The following EXOC1L variants were observed in gnomAD, a reference collection of about 807,000 sequenced individuals.
EXOC1L encodes the protein exocyst complex component 1 like.
In EXOC1L, 10 loss-of-function variants were observed where a neutral mutation model predicts 4.9. The ratio of observed to expected loss-of-function variants is 2.02; its 90% CI spans 1.25 to 3.43. The LOEUF (loss-of-function observed/expected upper bound fraction) is 3.43. Among genes scored for constraint, EXOC1L ranks in the 30% most tolerant of loss-of-function variants. The pLI, the probability that EXOC1L is intolerant of heterozygous loss-of-function variation, is 0.00. For missense variants in EXOC1L, 114 were observed against 59.4 expected (o/e 1.92, Z -3.02); for synonymous variants, 41 against 20.8 (o/e 1.97, Z -2.63).
At chr4:55,821,255 T>G (rs1297347075) in intron 1 of EXOC1L, among the ~76,000 whole-genome samples, 2 of 152,162 alleles carry the variant, frequency 1.3e-5, no homozygotes, top group African/African-American at 4.8e-5. Flanking sequence ...TTAGCATATT[T>G]TGCTATATGA....
chr4:55,836,032 T>C (rs1460389481), intron 2 of EXOC1L, among the ~76,000 whole-genome samples: 3 of 151,882 alleles, frequency 2.0e-5, no homozygotes, highest in African/African-American at 4.8e-5. Context: ...CATGGAACAA[T>C]CAAAATGTTG....
intron 2 of EXOC1L, among the ~76,000 whole-genome samples, chr4:55,836,712 T>TA (rs1379528188): frequency 9.9e-5 from 15 of 151,952 alleles, no homozygotes; most frequent in African/African-American, 2.4e-4. Flanking sequence ...AACCTCGTAC[T>TA]AAAAAGGGAG....
chr4:55,827,271 G>C (rs1170564297), intron 1 of EXOC1L, among the ~76,000 whole-genome samples: 1 of 152,122 alleles, frequency 6.6e-6, no homozygotes, highest in African/African-American at 2.4e-5. Context: ...TCATGCCTTT[G>C]TGTGAATGCT....
chr4:55,837,085 G>T lies in EXOC1L; in HGVS notation c.253G>T (p.Asp85Tyr). ...QMIDGKEADTDNPFFDLHFKK... is the reference protein window; with the variant it reads ...QMIDGKEADTYNPFFDLHFKK... ...AATCATGTCTCTCATTCTCTTCCAG[G>T]ACAATCCATTTTTTGATCTGCACTT... The change falls in exon 3 of 3, where the codon GAC (aspartate) becomes TAC (tyrosine). Residue 85 changes from aspartate (D) to tyrosine (Y), a missense_variant and splice_region_variant. Coordinates refer to ENST00000636125, the MANE Select transcript of EXOC1L (RefSeq NM_001351574.3). 1.4e-6 allele frequency: 1 copy of T among 697,198 alleles called. No homozygotes were observed. Among genetic ancestry groups the T allele is most frequent in the Non-Finnish European group, 2.6e-6 (1 of 381,576 alleles). 43.2% of individuals were successfully genotyped at this position (697,198 alleles called of 1,614,324 possible).
intron 1 of EXOC1L, among the ~76,000 whole-genome samples, chr4:55,826,085 CAAA>C (rs34455273): frequency 6.4e-5 from 5 of 78,626 alleles, no homozygotes; most frequent in Non-Finnish European, 7.7e-5. Flanking sequence ...AACTCCATCT[CAAA>C]AAAAAAAAAA....
At chr4:55,824,039 C>T (rs1033677194) in intron 1 of EXOC1L, among the ~76,000 whole-genome samples, 5 of 151,888 alleles carry the variant, frequency 3.3e-5, no homozygotes, top group Non-Finnish European at 5.9e-5. Context: ...CCAAGAGATA[C>T]ATTTTATTAA....
chr4:55,824,153 T>C (rs1391863308), intron 1 of EXOC1L, among the ~76,000 whole-genome samples: 1 of 152,098 alleles, frequency 6.6e-6, no homozygotes, highest in East Asian at 1.9e-4. Context: ...AGACCTTGAA[T>C]ATTAAAGTAG....
At chr4:55,835,190 GAT>G (rs913572471) in intron 2 of EXOC1L, among the ~76,000 whole-genome samples, 1 of 150,510 alleles carries the variant, frequency 6.6e-6, no homozygotes, top group Admixed American at 6.6e-5. Context: ...AGTATTCCAT[GAT>G]ATATATATTA....
chr4:55,829,671 C>T (rs1162421548), intron 1 of EXOC1L, among the ~76,000 whole-genome samples: 2 of 152,170 alleles, frequency 1.3e-5, no homozygotes, highest in South Asian at 2.1e-4. Context: ...TCCCTTCTCC[C>T]GAGGACTGAG....
At chr4:55,823,948 A>G (rs1214561230) in intron 1 of EXOC1L, among the ~76,000 whole-genome samples, 1 of 152,198 alleles carries the variant, frequency 6.6e-6, no homozygotes, top group South Asian at 2.1e-4. Flanking sequence ...AAGAGAACAC[A>G]CTTGAAGAAA....
At chr4:55,822,944 A>G (rs1719783778) in intron 1 of EXOC1L, among the ~76,000 whole-genome samples, 2 of 149,164 alleles carry the variant, frequency 1.3e-5, no homozygotes, top group South Asian at 4.2e-4. Context: ...TGTATATACT[A>G]TAAATACATA....
At position 55,837,227 on chromosome 4, in the gene EXOC1L, A is replaced by T. The variant is rs1489174390; in HGVS notation, c.395A>T (p.Asp132Val). The T allele has an allele frequency of 4.3e-6, 3 of 702,002 alleles. No individual in the cohort carries two copies. In the East Asian group the frequency reaches 8.1e-5, roughly 19 times the overall value. The allele number at this position is 702,002 out of a possible 1,614,324, so 43.5% of individuals were successfully genotyped here. A position where few individuals can be genotyped will look rare whatever the true frequency, so the allele number is the denominator to read the frequency against. ...LKKDLQIVNFDSTYINDDSIW... is the reference protein window; with the variant it reads ...LKKDLQIVNFVSTYINDDSIW... ...AAGGACTTACAGATCGTGAACTTTG[A>T]TTCTACATACATTAACGATGATTCC... Residue 132 changes from aspartate to valine, a missense_variant, in exon 3 of 3, where the codon GAT (aspartate) becomes GTT (valine). Transcript: ENST00000636125.
chr4:55,819,810 G>C lies in EXOC1L; in HGVS notation c.-217G>C. ...CTGTATTTTGGCTGCCGCCGCCGCT[G>C]CTGCCACTGGGCAGATACCGCAGTG... On this transcript the variant is annotated 5_prime_UTR_variant, in exon 1 of 3. Coordinates refer to ENST00000636125, the MANE Select transcript of EXOC1L (RefSeq NM_001351574.3). 3.0e-6 allele frequency: 1 copy of C among 338,068 alleles called. No individual in the cohort carries two copies. Among genetic ancestry groups the C allele is most frequent in the South Asian group, 1.6e-4 (1 of 6,380 alleles). The allele number at this position is 338,068 out of a possible 1,614,324, so 20.9% of individuals were successfully genotyped here. A position where few individuals can be genotyped will look rare whatever the true frequency, so the allele number is the denominator to read the frequency against.
chr4:55,837,046 T>C (rs770257163), intron 2 of EXOC1L, 39 bp from the exon 3 acceptor site: 1 of 644,936 alleles, frequency 1.6e-6, no homozygotes, highest in South Asian at 1.7e-5. Context: ...AACTACTTTC[T>C]TGGCTACCAA....
In EXOC1L at chr4:55,831,215, A is replaced by G; in HGVS notation, c.122-119A>G. ...CAGGACTCACAATTGAGGCGCAGCT[A>G]TAATGTGGGTTCAAGGTCATTTTAT... On this transcript the variant is annotated intron_variant, in intron 1 of 2. Coordinates refer to ENST00000636125, the MANE Select transcript of EXOC1L (RefSeq NM_001351574.3). The G allele has an allele frequency of 1.0e-5, 5 of 486,070 alleles. 1 individual carries two copies. The South Asian group carries it at 1.7e-4, about 17-fold the overall frequency. The allele number at this position is 486,070 out of a possible 1,614,324, so 30.1% of individuals were successfully genotyped here.
intron 1 of EXOC1L, among the ~76,000 whole-genome samples, chr4:55,820,954 G>T (rs987832979): frequency 2.6e-5 from 4 of 152,052 alleles, no homozygotes; most frequent in African/African-American, 7.2e-5. Context: ...CCCTTTTCTT[G>T]GTCCATGCCT....
At position 55,819,991 on chromosome 4, in the gene EXOC1L, T is replaced by G. The variant is rs1372460245; in HGVS notation, c.-36T>G. Reference sequence around the variant, plus strand: ...GCAAAAGGAGAGGAAAGAGTGAGCTTGAGCCAAGACATCAGGCCAAGTGGA... The same window carrying G: ...GCAAAAGGAGAGGAAAGAGTGAGCTGGAGCCAAGACATCAGGCCAAGTGGA... On this transcript the variant is annotated 5_prime_UTR_variant, in exon 1 of 3. Coordinates refer to ENST00000636125, the MANE Select transcript of EXOC1L (RefSeq NM_001351574.3). 3 of 398,680 alleles carry G rather than the reference T, an allele frequency of 7.5e-6. No individual in the cohort carries two copies. The highest frequency in any genetic ancestry group is 4.1e-5 in the African/African-American group (2 of 48,558). The allele number at this position is 398,680 out of a possible 1,614,324, so 24.7% of individuals were successfully genotyped here. A position where few individuals can be genotyped will look rare whatever the true frequency, so the allele number is the denominator to read the frequency against.
chr4:55,823,300 T>C lies in EXOC1L; in HGVS notation c.121+3153T>C, dbSNP rs534796603. 1.1e-3 allele frequency among the ~76,000 whole-genome samples: 169 copies of C among 152,018 alleles called. 1 individual carries two copies. The highest frequency in any genetic ancestry group is 2.2e-3 in the Non-Finnish European group (148 of 67,950). On this transcript the variant is annotated intron_variant, in intron 1 of 2. Transcript: ENST00000636125. Reference sequence around the variant, plus strand: ...AGAATGAGTTAATGAGAAAAGGAGGTTGCTAAAAACAATTTTAAAGACTTC... The same window carrying C: ...AGAATGAGTTAATGAGAAAAGGAGGCTGCTAAAAACAATTTTAAAGACTTC...
At chr4:55,832,577 T>C (rs1720063492) in intron 2 of EXOC1L, among the ~76,000 whole-genome samples, 1 of 151,992 alleles carries the variant, frequency 6.6e-6, no homozygotes, top group African/African-American at 2.4e-5. Flanking sequence ...CCAACAATAT[T>C]CAGTAAACTC....
Sources: gnomAD v4.1 joint callset for allele counts (sites outside exome capture counted in the v4.1 genomes callset) on GRCh38, gnomAD v4.1.1 for gene constraint, MANE v1.5 for transcripts, NCBI Gene and HGNC (gene_info 2026-07-23, HGNC 2026-07-21) for gene names.